Variants in USP9X observed in about 807,000 individuals in gnomAD.
USP9X encodes ubiquitin carboxyl-terminal hydrolase 9X.
USP9X carries 7 observed loss-of-function variants against 190.3 expected under a neutral mutation model. The observed-to-expected ratio is 0.04, with a 90% CI of 0.02 to 0.07. The LOEUF is 0.07. Ranked by LOEUF, USP9X falls within the 10% of genes least tolerant of loss-of-function variation. The pLI, the probability that USP9X is intolerant of heterozygous loss-of-function variation, is 1.00. For missense variants in USP9X, 1,010 were observed against 1,916.9 expected (o/e 0.53, Z 8.83); for synonymous variants, 645 against 659.5 (o/e 0.98, Z 0.34).
chrX:41,184,680 T>C lies in USP9X; in HGVS notation c.3558+5T>C, dbSNP rs1251208305. ...GGTGTGAATCCCATGACACAGGTAATACAGACTTTTTAAAAATCCTTTTAT... is the reference window on the plus strand; with the variant it reads ...GGTGTGAATCCCATGACACAGGTAACACAGACTTTTTAAAAATCCTTTTAT... On this transcript the variant is annotated splice_donor_5th_base_variant and intron_variant, in intron 23 of 44. Coordinates refer to ENST00000378308, the MANE Select transcript of USP9X (RefSeq NM_001039591.3). 3 of 1,188,180 alleles carry C rather than the reference T, an allele frequency of 2.5e-6. No homozygotes were observed. In the African/African-American group the frequency reaches 5.3e-5, roughly 21 times the overall value.
At chrX:41,166,802 A>C (rs773432230) in intron 16 of USP9X, among the ~76,000 whole-genome samples, 1 of 112,398 alleles carries the variant, frequency 8.9e-6, no homozygotes, top group Non-Finnish European at 1.9e-5. Flanking sequence ...ATAGATAAAG[A>C]TGTTTATTGT....
intron 31 of USP9X, 45 bp downstream of exon 31, chrX:41,201,325 A>G: frequency 1.9e-6 from 2 of 1,070,613 alleles, no homozygotes; most frequent in Non-Finnish European, 2.6e-6. Flanking sequence ...TCAAGTTATG[A>G]TACCAGATAC....
chrX:41,211,900 G>A (rs1396827749), intron 33 of USP9X, among the ~76,000 whole-genome samples: 1 of 111,092 alleles, frequency 9.0e-6, no homozygotes, highest in African/African-American at 3.2e-5. Flanking sequence ...GCCTCTGCCC[G>A]GCCGCCCCTA....
rs34179321 is a variant in USP9X, at chrX:41,099,096, G to GTTTTT, written c.-159+13009_-159+13013dup. Among the ~76,000 whole-genome samples the GTTTTT allele has an allele frequency of 2.3e-4, 10 of 44,266 alleles. 2 individuals are homozygous for GTTTTT. Among genetic ancestry groups the GTTTTT allele is most frequent in the African/African-American group, 8.1e-4 (8 of 9,930 alleles). 38.4% of individuals were successfully genotyped at this position (44,266 alleles called of 115,157 possible). On this transcript the variant is annotated intron_variant, in intron 1 of 44. Transcript: ENST00000378308. ...CACATGCCATAATGCCCAGATAATT[G>GTTTTT]TTTTTTTTTTTTTTTTTTTTTTTTT...
intron 41 of USP9X, among the ~76,000 whole-genome samples, chrX:41,228,720 G>A (rs1168727676): frequency 1.9e-5 from 2 of 105,307 alleles, no homozygotes; most frequent in African/African-American, 3.5e-5. Flanking sequence ...TTTTGGACTG[G>A]TAATAAGTTA....
chrX:41,172,612 A>C (rs1335709938), intron 21 of USP9X, among the ~76,000 whole-genome samples: 2 of 112,065 alleles, frequency 1.8e-5, no homozygotes, highest in Non-Finnish European at 3.8e-5. Context: ...ATCCAGATTC[A>C]ACATCTACGT....
intron 1 of USP9X, among the ~76,000 whole-genome samples, chrX:41,106,903 T>C (rs2062074242): frequency 1.0e-5 from 1 of 98,588 alleles, no homozygotes; most frequent in Non-Finnish European, 2.0e-5. Flanking sequence ...TTTTTTTTTT[T>C]TGAGACAGAG....
chrX:41,149,697 T>G (rs2062504469), intron 12 of USP9X, among the ~76,000 whole-genome samples: 1 of 101,788 alleles, frequency 9.8e-6, no homozygotes, highest in Non-Finnish European at 2.0e-5. Context: ...TGTGGAAGCC[T>G]CCTGAATAAT....
intron 21 of USP9X, among the ~76,000 whole-genome samples, chrX:41,179,113 T>C (rs2062804896): frequency 8.9e-6 from 1 of 112,085 alleles, no homozygotes; most frequent in Admixed American, 9.5e-5. Flanking sequence ...TGGTTACTAT[T>C]GCTCTATAGT....
In USP9X at chrX:41,123,617, C is replaced by T; in HGVS notation, c.-12C>T. The T allele has an allele frequency of 8.3e-7, 1 of 1,206,654 alleles. No homozygotes were observed. Among genetic ancestry groups the T allele is most frequent in the Non-Finnish European group, 1.1e-6 (1 of 891,475 alleles). The stretch of plus-strand genomic sequence containing the variant: ...AGCAGACAAAATTGCAAAGATCTGC[C>T]CTGTGTCGAGTATGACAGCCACGAC... On this transcript the variant is annotated 5_prime_UTR_variant, in exon 2 of 45. Transcript: ENST00000378308.
chrX:41,203,326 C>T (rs1168013442), intron 31 of USP9X, among the ~76,000 whole-genome samples: 1 of 111,944 alleles, frequency 8.9e-6, no homozygotes, highest in East Asian at 2.8e-4. Context: ...AAACTGTAGT[C>T]ATTAAGCTAC....
At chrX:41,200,552 A>G (rs1035300323) in intron 30 of USP9X, among the ~76,000 whole-genome samples, 1 of 112,134 alleles carries the variant, frequency 8.9e-6, no homozygotes, top group African/African-American at 3.2e-5. Context: ...TTTACTAGGA[A>G]GAAACAGAAA....
chrX:41,117,920 C>T (rs2062162921), intron 1 of USP9X, among the ~76,000 whole-genome samples: 1 of 110,089 alleles, frequency 9.1e-6, no homozygotes. Flanking sequence ...TTCAGTGGCA[C>T]CACCTCGGCT....
chrX:41,120,560 C>A (rs910213692), intron 1 of USP9X, among the ~76,000 whole-genome samples: 5 of 110,858 alleles, frequency 4.5e-5, no homozygotes, highest in African/African-American at 1.6e-4. Context: ...TACAGTGGTG[C>A]CATCTCGGCT....
At chrX:41,208,799 C>G (rs1419866423) in intron 32 of USP9X, among the ~76,000 whole-genome samples, 2 of 110,189 alleles carry the variant, frequency 1.8e-5, no homozygotes, top group Non-Finnish European at 3.8e-5. Flanking sequence ...GCTCCCCTTC[C>G]TGGGTTCACA....
intron 14 of USP9X, among the ~76,000 whole-genome samples, chrX:41,158,760 C>T (rs1569173229): frequency 9.0e-6 from 1 of 111,633 alleles, no homozygotes; most frequent in African/African-American, 3.3e-5. Flanking sequence ...TCCTGCTGTG[C>T]AGCCCCGTTT....
chrX:41,111,844 A>ATT (rs11349809), intron 1 of USP9X, among the ~76,000 whole-genome samples: 6 of 87,274 alleles, frequency 6.9e-5, no homozygotes, highest in Admixed American at 1.3e-4. Flanking sequence ...GTCTTTGAAG[A>ATT]TTTTTTTTTT....
At position 41,233,739 on chromosome X, in the gene USP9X, A is replaced by G. The variant is rs1246253105; in HGVS notation, c.*1215A>G. ...CAAAGCAGGGTCTCATTAAAAAAGA[A>G]ACTACTGGTTGATATAATTGAGATA... On this transcript the variant is annotated 3_prime_UTR_variant, in exon 45 of 45. Transcript: ENST00000378308. The G allele has an allele frequency of 8.9e-6, 1 of 112,284 alleles. No individual in the cohort carries two copies. Among genetic ancestry groups the G allele is most frequent in the Non-Finnish European group, 1.9e-5 (1 of 53,247 alleles). 9.3% of individuals were successfully genotyped at this position (112,284 alleles called of 1,213,427 possible).
rs1004008173 is a variant in USP9X, at chrX:41,123,479, A to G, written c.-150A>G. 2.3e-5 allele frequency: 11 copies of G among 470,519 alleles called. No individual in the cohort carries two copies. The highest frequency in any genetic ancestry group is 6.3e-5 in the South Asian group (2 of 31,724). 38.8% of individuals were successfully genotyped at this position (470,519 alleles called of 1,213,427 possible). The stretch of plus-strand genomic sequence containing the variant: ...CCCCTTTCTATTTGTAGGTTATGCA[A>G]TGGTCTCTGCAAGATGGTTTATTCT... On this transcript the variant is annotated 5_prime_UTR_variant, in exon 2 of 45. It removes an upstream start codon present in the reference 5' UTR. Coordinates refer to ENST00000378308, the MANE Select transcript of USP9X (RefSeq NM_001039591.3).
Sources: gnomAD v4.1 joint callset for allele counts (sites outside exome capture counted in the v4.1 genomes callset) on GRCh38, gnomAD v4.1.1 for gene constraint, MANE v1.5 for transcripts, NCBI Gene and HGNC (gene_info 2026-07-23, HGNC 2026-07-21) for gene names.